CLSTN2: variants seen among roughly 807,000 people sequenced by gnomAD.
The protein encoded by CLSTN2 is calsyntenin 2.
In CLSTN2, 48 loss-of-function variants were observed where a neutral mutation model predicts 101.2. That is an observed-to-expected ratio of 0.47 (90% CI 0.38 to 0.60). The LOEUF is 0.60. Ranked by LOEUF, CLSTN2 falls within the 20% of genes least tolerant of loss-of-function variation. The pLI is 0.00. For missense variants in CLSTN2, 1,160 were observed against 1,238.2 expected (o/e 0.94, Z 0.95); for synonymous variants, 481 against 463.6 (o/e 1.04, Z -0.48).
At chr3:140,068,689 G>A (rs2008341052) in intron 1 of CLSTN2, among the ~76,000 whole-genome samples, 1 of 152,226 alleles carries the variant, frequency 6.6e-6, no homozygotes, top group South Asian at 2.1e-4. Context: ...AGTGGACAGT[G>A]TCTGAAATTA....
At chr3:140,077,142 A>C (rs1345581033) in intron 1 of CLSTN2, among the ~76,000 whole-genome samples, 1 of 152,208 alleles carries the variant, frequency 6.6e-6, no homozygotes. Context: ...CAAGCAAAAA[A>C]AGCATTCTGA....
intron 1 of CLSTN2, among the ~76,000 whole-genome samples, chr3:140,020,151 C>A (rs1207672286): frequency 1.3e-5 from 2 of 152,120 alleles, no homozygotes; most frequent in Non-Finnish European, 2.9e-5. Context: ...CTGGCATGTT[C>A]CCCTGCTGAG....
At chr3:140,376,338 C>G (rs1200837115) in intron 2 of CLSTN2, among the ~76,000 whole-genome samples, 1 of 152,158 alleles carries the variant, frequency 6.6e-6, no homozygotes, top group Non-Finnish European at 1.5e-5. Flanking sequence ...TCAAGGCTGC[C>G]CCTTCTAGGC....
At chr3:140,546,426 G>A in intron 9 of CLSTN2, 89 bp from the exon 10 acceptor site, 4 of 1,351,488 alleles carry the variant, frequency 3.0e-6, no homozygotes, top group Non-Finnish European at 4.1e-6. Flanking sequence ...CACAATCAAG[G>A]CGTCTTTGGC....
At chr3:140,390,581 T>C (rs2088102485) in intron 2 of CLSTN2, among the ~76,000 whole-genome samples, 1 of 152,246 alleles carries the variant, frequency 6.6e-6, no homozygotes, top group Non-Finnish European at 1.5e-5. Context: ...CAGTTGGATG[T>C]AGTATTCTAT....
intron 4 of CLSTN2, among the ~76,000 whole-genome samples, chr3:140,410,089 G>C (rs1381056998): frequency 3.3e-5 from 5 of 152,082 alleles, no homozygotes; most frequent in African/African-American, 1.2e-4. Context: ...CATGTTTTGG[G>C]GGTATTTATA....
intron 1 of CLSTN2, among the ~76,000 whole-genome samples, chr3:140,007,107 C>CA (rs1372528672): frequency 2.0e-5 from 3 of 152,142 alleles, no homozygotes; most frequent in Admixed American, 2.0e-4. Context: ...ATTTCTGACC[C>CA]ACCGAGAAGT....
At chr3:140,363,444 T>C (rs1329685299) in intron 2 of CLSTN2, among the ~76,000 whole-genome samples, 2 of 152,206 alleles carry the variant, frequency 1.3e-5, no homozygotes, top group Admixed American at 6.5e-5. Flanking sequence ...ATTTATGTAA[T>C]TGAGATATGC....
chr3:140,100,301 CT>C (rs2008944042), intron 1 of CLSTN2, among the ~76,000 whole-genome samples: 1 of 152,120 alleles, frequency 6.6e-6, no homozygotes, highest in Non-Finnish European at 1.5e-5. Flanking sequence ...TTCCCTCCTT[CT>C]CCCTCCCCTC....
intron 4 of CLSTN2, among the ~76,000 whole-genome samples, chr3:140,412,411 C>T (rs1376734333): frequency 3.3e-5 from 5 of 152,178 alleles, no homozygotes; most frequent in Admixed American, 3.3e-4. Flanking sequence ...CATATCTGAA[C>T]AGTCCATGCA....
intron 1 of CLSTN2, among the ~76,000 whole-genome samples, chr3:139,998,794 T>C (rs1261085837): frequency 6.6e-6 from 1 of 152,124 alleles, no homozygotes; most frequent in African/African-American, 2.4e-5. Flanking sequence ...CACCACCTGC[T>C]CTGGCCCAGA....
intron 1 of CLSTN2, among the ~76,000 whole-genome samples, chr3:139,957,172 A>G (rs1410026319): frequency 6.6e-6 from 1 of 152,150 alleles, no homozygotes; most frequent in African/African-American, 2.4e-5. Flanking sequence ...AGGAGGGGCC[A>G]TTCATCCCTC....
At chr3:140,427,287 T>C (rs1440213750) in intron 5 of CLSTN2, among the ~76,000 whole-genome samples, 1 of 145,042 alleles carries the variant, frequency 6.9e-6, no homozygotes, top group Admixed American at 6.9e-5. Flanking sequence ...AGAGAACAGG[T>C]TTGAGAAATA....
intron 6 of CLSTN2, chr3:140,449,415 A>T (rs1346160077): frequency 1.7e-4 from 26 of 152,258 alleles, no homozygotes; most frequent in Admixed American, 1.7e-3. Flanking sequence ...ATTGAGAAGC[A>T]GGAGATGGCT....
chr3:140,324,343 G>A (rs543477342), intron 2 of CLSTN2, among the ~76,000 whole-genome samples: 21 of 152,276 alleles, frequency 1.4e-4, no homozygotes, highest in African/African-American at 4.8e-4. Flanking sequence ...TACCCCTCTA[G>A]TTCTAGAGTA....
chr3:140,351,865 C>G (rs181320538), intron 2 of CLSTN2, among the ~76,000 whole-genome samples: 67 of 151,864 alleles, frequency 4.4e-4, no homozygotes, highest in Admixed American at 3.5e-3. Context: ...TAAACTCACA[C>G]ATTTTATTTG....
intron 2 of CLSTN2, among the ~76,000 whole-genome samples, chr3:140,380,377 A>G (rs1483246991): frequency 6.6e-6 from 1 of 152,222 alleles, no homozygotes; most frequent in Admixed American, 6.5e-5. Flanking sequence ...CTGTCCAGCC[A>G]GGTATAAATT....
At chr3:140,510,234 G>C (rs759393908) in intron 8 of CLSTN2, among the ~76,000 whole-genome samples, 1 of 152,138 alleles carries the variant, frequency 6.6e-6, no homozygotes, top group Non-Finnish European at 1.5e-5. Context: ...ATAAGTCAGG[G>C]ATCATCTGTA....
In CLSTN2 at chr3:140,397,113, A is replaced by G. The variant is rs555564061; in HGVS notation, c.233-6516A>G. Among the ~76,000 whole-genome samples the G allele has an allele frequency of 7.9e-5, 12 of 152,302 alleles. No homozygotes were observed. The East Asian group carries it at 1.5e-3, about 20-fold the overall frequency. ...ACAAGTAACATAATTTGACAAAAAA[A>G]GATATATTTTTGGAAAAAAAAACAA... On this transcript the variant is annotated intron_variant, in intron 2 of 16. Coordinates refer to ENST00000458420, the MANE Select transcript of CLSTN2 (RefSeq NM_022131.3).
Sources: allele counts gnomAD v4.1 joint callset (sites outside exome capture counted in the v4.1 genomes callset), GRCh38; gene constraint gnomAD v4.1.1; transcripts MANE v1.5; gene names NCBI Gene and HGNC (gene_info 2026-07-23, HGNC 2026-07-21).